Variants in POU6F2 observed in about 807,000 individuals in gnomAD.
POU6F2 encodes the protein POU class 6 homeobox 2.
A neutral mutation model predicts 71.3 loss-of-function variants in POU6F2; 31 were observed. The ratio of observed to expected loss-of-function variants is 0.43; its 90% CI spans 0.33 to 0.59. The LOEUF (loss-of-function observed/expected upper bound fraction) is 0.59. POU6F2 is among the 20% of genes least tolerant of loss of function. The pLI is 0.04. For synonymous variants in POU6F2, 347 were observed against 355.7 expected (o/e 0.98, Z 0.27); for missense variants, 783 against 856.8 (o/e 0.91, Z 1.07).
At chr7:39,373,431 C>A (rs1210823660) in intron 5 of POU6F2, 1 of 456,658 alleles carries the variant, frequency 2.2e-6, no homozygotes, top group Admixed American at 2.3e-5. Flanking sequence ...TGTTCCTGTT[C>A]TGTAGCCCAG....
chr7:39,407,181 C>T (rs937903057), intron 6 of POU6F2, among the ~76,000 whole-genome samples: 1 of 151,746 alleles, frequency 6.6e-6, no homozygotes, highest in Non-Finnish European at 1.5e-5. Flanking sequence ...TTAGTCTTAA[C>T]AAAGCCAATT....
intron 4 of POU6F2, among the ~76,000 whole-genome samples, chr7:39,335,962 C>G (rs1181736321): frequency 6.6e-6 from 1 of 152,204 alleles, no homozygotes; most frequent in African/African-American, 2.4e-5. Context: ...GTGGCTCCAA[C>G]AGGACAGCCC....
At chr7:39,323,008 C>T (rs993925820) in intron 4 of POU6F2, among the ~76,000 whole-genome samples, 5 of 151,850 alleles carry the variant, frequency 3.3e-5, no homozygotes, top group African/African-American at 1.2e-4. Flanking sequence ...AAGCTGAAGT[C>T]ATCAAGTGGC....
At chr7:39,459,573 A>G (rs1279813316) in intron 8 of POU6F2, among the ~76,000 whole-genome samples, 1 of 152,176 alleles carries the variant, frequency 6.6e-6, no homozygotes, top group Non-Finnish European at 1.5e-5. Context: ...CAAGTACTCA[A>G]ATTTACTGAA....
At chr7:39,276,415 G>A (rs1392866059) in intron 4 of POU6F2, among the ~76,000 whole-genome samples, 4 of 151,904 alleles carry the variant, frequency 2.6e-5, no homozygotes, top group African/African-American at 4.8e-5. Flanking sequence ...GGTGCTGGAG[G>A]GGATGTGGAG....
At chr7:39,454,670 A>T (rs1200591387) in intron 8 of POU6F2, among the ~76,000 whole-genome samples, 2 of 1,422 alleles carry the variant, frequency 1.4e-3, no homozygotes, top group African/African-American at 0.014. Flanking sequence ...ATATATATAT[A>T]TATATATATA....
At chr7:39,194,602 A>G (rs1306260571) in intron 2 of POU6F2, among the ~76,000 whole-genome samples, 1 of 152,028 alleles carries the variant, frequency 6.6e-6, no homozygotes, top group African/African-American at 2.4e-5. Context: ...AAATGGACCA[A>G]TCAGCAGGAT....
At chr7:39,368,745 G>A (rs985709598) in intron 5 of POU6F2, among the ~76,000 whole-genome samples, 3 of 152,120 alleles carry the variant, frequency 2.0e-5, no homozygotes, top group Non-Finnish European at 4.4e-5. Context: ...CCATTCCTAG[G>A]GTAAAATCCT....
At chr7:39,218,401 G>A (rs997221098) in intron 4 of POU6F2, among the ~76,000 whole-genome samples, 8 of 152,170 alleles carry the variant, frequency 5.3e-5, no homozygotes, top group African/African-American at 1.7e-4. Flanking sequence ...ATTATTCTTG[G>A]CCCACTGTTT....
chr7:39,159,905 G>A (rs973494806), intron 2 of POU6F2, among the ~76,000 whole-genome samples: 2 of 152,174 alleles, frequency 1.3e-5, no homozygotes, highest in African/African-American at 4.8e-5. Flanking sequence ...AGGTAGACTT[G>A]TGACTCTCAA....
intron 6 of POU6F2, among the ~76,000 whole-genome samples, chr7:39,424,941 T>C (rs1787933971): frequency 6.6e-6 from 1 of 152,052 alleles, no homozygotes; most frequent in Non-Finnish European, 1.5e-5. Flanking sequence ...CTAACTTTAT[T>C]TTGCCAAAGG....
chr7:39,378,467 T>C lies in POU6F2; in HGVS notation c.973-28133T>C, dbSNP rs373832784. On this transcript the variant is annotated intron_variant, in intron 5 of 9. Coordinates refer to ENST00000518318, the MANE Select transcript of POU6F2 (RefSeq NM_001370959.1). ...ATGATGTGGCATATTGGTGGCATGATGTGGCATGAGGTGGTATGATGGAGC... is the reference window on the plus strand; with the variant it reads ...ATGATGTGGCATATTGGTGGCATGACGTGGCATGAGGTGGTATGATGGAGC... 1.1e-4 allele frequency among the ~76,000 whole-genome samples: 16 copies of C among 152,282 alleles called. No homozygotes were observed. The East Asian group carries it at 1.9e-3, about 18-fold the overall frequency.
chr7:39,247,617 A>G (rs566007315), intron 4 of POU6F2, among the ~76,000 whole-genome samples: 34 of 152,318 alleles, frequency 2.2e-4, no homozygotes, highest in African/African-American at 6.5e-4. Context: ...CTCAAATCCA[A>G]TGCTCTTTCT....
intron 5 of POU6F2, among the ~76,000 whole-genome samples, chr7:39,380,867 T>G (rs1159967461): frequency 2.0e-5 from 3 of 152,088 alleles, no homozygotes; most frequent in Non-Finnish European, 4.4e-5. Context: ...CACCAGAAAT[T>G]CTACTCGTGC....
intron 2 of POU6F2, among the ~76,000 whole-genome samples, chr7:39,128,004 G>T (rs1353615296): frequency 6.6e-6 from 1 of 151,784 alleles, no homozygotes. Context: ...CACCACGCCC[G>T]GCTAATTTTT....
chr7:39,204,345 C>T lies in POU6F2; in HGVS notation c.369+19C>T, dbSNP rs200939698. On this transcript the variant is annotated intron_variant, in intron 3 of 9. Coordinates refer to ENST00000518318, the MANE Select transcript of POU6F2 (RefSeq NM_001370959.1). ...GCCACAGGTCAGTATCTCTCAACTG[C>T]TTTCCACTGGGCTGCATTTAGGATG... The T allele has an allele frequency of 5.0e-6, 8 of 1,588,486 alleles. No individual in the cohort carries two copies. The African/African-American group carries it at 9.4e-5, about 19-fold the overall frequency.
chr7:39,419,204 C>T (rs1787793427), intron 6 of POU6F2, among the ~76,000 whole-genome samples: 2 of 147,302 alleles, frequency 1.4e-5, no homozygotes, highest in Admixed American at 6.8e-5. Flanking sequence ...TTTTAACCCA[C>T]TCAGGGTGGC....
chr7:39,322,928 C>A (rs1785425397), intron 4 of POU6F2, among the ~76,000 whole-genome samples: 1 of 152,152 alleles, frequency 6.6e-6, no homozygotes, highest in South Asian at 2.1e-4. Context: ...CTCAGAAATT[C>A]TCCAGTGGTA....
At chr7:39,170,278 T>TA (rs1793193973) in intron 2 of POU6F2, among the ~76,000 whole-genome samples, 1 of 152,190 alleles carries the variant, frequency 6.6e-6, no homozygotes, top group African/African-American at 2.4e-5. Flanking sequence ...GTTAGATTGG[T>TA]AAAAACACAT....
Sources: gnomAD v4.1 joint callset for allele counts (sites outside exome capture counted in the v4.1 genomes callset) on GRCh38, gnomAD v4.1.1 for gene constraint, MANE v1.5 for transcripts, NCBI Gene and HGNC (gene_info 2026-07-23, HGNC 2026-07-21) for gene names.